Variants in ZRANB1 observed in about 807,000 individuals in gnomAD.
The protein encoded by ZRANB1 is ubiquitin thioesterase ZRANB1.
A neutral mutation model predicts 80.5 loss-of-function variants in ZRANB1; 16 were observed. That is an observed-to-expected ratio of 0.20 (90% CI 0.13 to 0.30). The LOEUF is 0.30. Ranked by LOEUF, ZRANB1 falls within the 10% of genes least tolerant of loss-of-function variation. The pLI is 1.00. For synonymous variants in ZRANB1, 291 were observed against 293.1 expected (o/e 0.99, Z 0.07); for missense variants, 576 against 862.6 (o/e 0.67, Z 4.16).
chr10:124,925,406 G>A, the ZRANB1 span, among the ~76,000 whole-genome samples: 1 of 152,042 alleles, frequency 6.6e-6, no homozygotes, highest in Non-Finnish European at 1.5e-5. Flanking sequence ...TTAGAGTGGT[G>A]TTTATTTCAG....
intron 1 of ZRANB1, among the ~76,000 whole-genome samples, chr10:124,963,828 T>G (rs1951756581): frequency 6.6e-6 from 1 of 152,216 alleles, no homozygotes; most frequent in East Asian, 1.9e-4. Context: ...TACTAATCTT[T>G]GTAGCTGAAA....
chr10:124,983,781 C>A lies in ZRANB1; in HGVS notation c.1908+93C>A. The A allele has an allele frequency of 1.2e-6, 1 of 867,274 alleles. No homozygotes were observed. The highest frequency in any genetic ancestry group is 1.8e-6 in the Non-Finnish European group (1 of 568,272). The allele number at this position is 867,274 out of a possible 1,614,324, so 53.7% of individuals were successfully genotyped here. The stretch of plus-strand genomic sequence containing the variant: ...TCAGGTGTGGTTTTATCTGCACTAT[C>A]ACTTAATTTCTGAATGTGATGGTAG... On this transcript the variant is annotated intron_variant, in intron 8 of 8. Coordinates refer to ENST00000359653, the MANE Select transcript of ZRANB1 (RefSeq NM_017580.3). The surrounding 1 kb of genome is among the most constrained non-coding windows in gnomAD (Gnocchi z 6.2).
intron 1 of ZRANB1, among the ~76,000 whole-genome samples, chr10:124,946,715 T>G (rs1951587774): frequency 6.6e-6 from 1 of 152,230 alleles, no homozygotes. Flanking sequence ...TATTCTGATG[T>G]GTAAACATAA....
the ZRANB1 span, among the ~76,000 whole-genome samples, chr10:124,919,906 C>T: frequency 8.7e-6 from 1 of 114,530 alleles, no homozygotes; most frequent in African/African-American, 3.8e-5. Context: ...CCACCGCGCC[C>T]GGCCCCCCCC....
At chr10:124,927,813 G>A in the ZRANB1 span, among the ~76,000 whole-genome samples, 6 of 152,164 alleles carry the variant, frequency 3.9e-5, no homozygotes, top group Non-Finnish European at 7.3e-5. Flanking sequence ...GAGGCGGGCA[G>A]ATCACTTGAG....
the ZRANB1 span, among the ~76,000 whole-genome samples, chr10:124,929,116 A>G: frequency 1.3e-5 from 2 of 152,166 alleles, no homozygotes; most frequent in Non-Finnish European, 2.9e-5. Context: ...GAATAGGGGT[A>G]TAGCAGGGGA....
intron 1 of ZRANB1, among the ~76,000 whole-genome samples, chr10:124,958,828 TTCACTTTC>T (rs1163813177): frequency 2.6e-5 from 4 of 152,222 alleles, no homozygotes; most frequent in African/African-American, 9.6e-5. Context: ...TTCACTTTCG[TTCACTTTC>T]TTTGGTGATT....
upstream of ZRANB1, among the ~76,000 whole-genome samples, chr10:124,938,705 C>T (rs746865022): frequency 2.7e-5 from 4 of 148,332 alleles, no homozygotes; most frequent in East Asian, 1.9e-4. Context: ...TACATCATTA[C>T]GTTTTTTTTT....
intron 6 of ZRANB1, among the ~76,000 whole-genome samples, chr10:124,982,260 C>T (rs1019096640): frequency 3.9e-5 from 6 of 152,154 alleles, no homozygotes; most frequent in African/African-American, 9.7e-5. Context: ...TAGGTACTTG[C>T]ATTGCTGTTG....
At position 124,983,436 on chromosome 10, in the gene ZRANB1, G is replaced by A. The variant is rs750108765; in HGVS notation, c.1679-23G>A. 2 of 1,601,276 alleles carry A rather than the reference G, an allele frequency of 1.2e-6. No individual in the cohort carries two copies. The highest frequency in any genetic ancestry group is 1.1e-5 in the South Asian group (1 of 89,984). ...GGCTCTTTCTTCCTGTGACTGTTGG[G>A]ATTTTCTTCCCTCTCTTTCCAGGTG... On this transcript the variant is annotated intron_variant, in intron 7 of 8. Coordinates refer to ENST00000359653, the MANE Select transcript of ZRANB1 (RefSeq NM_017580.3). This position sits in a 1 kb window ranked among gnomAD's most constrained non-coding sequence, Gnocchi z 6.2.
chr10:124,933,046 G>T, the ZRANB1 span, among the ~76,000 whole-genome samples: 1 of 151,348 alleles, frequency 6.6e-6, no homozygotes, highest in East Asian at 1.9e-4. Context: ...TCTGGTTTTT[G>T]GTATTCTTAT....
At chr10:124,917,820 C>A in the ZRANB1 span, among the ~76,000 whole-genome samples, 1 of 152,156 alleles carries the variant, frequency 6.6e-6, no homozygotes, top group African/African-American at 2.4e-5. Context: ...TGGAAAGATT[C>A]GTCTACCCCT....
At chr10:124,968,706 G>A (rs1468416477) in intron 2 of ZRANB1, among the ~76,000 whole-genome samples, 2 of 152,182 alleles carry the variant, frequency 1.3e-5, no homozygotes, top group African/African-American at 4.8e-5. Flanking sequence ...GAAGGTGGTT[G>A]TGAACTAGGG....
the ZRANB1 span, among the ~76,000 whole-genome samples, chr10:124,920,835 A>C: frequency 2.0e-5 from 3 of 152,010 alleles, no homozygotes; most frequent in Non-Finnish European, 4.4e-5. Context: ...ACTTCTGCCA[A>C]ATGGGTATAT....
intron 1 of ZRANB1, among the ~76,000 whole-genome samples, chr10:124,960,256 A>T (rs899615874): frequency 6.6e-6 from 1 of 152,276 alleles, no homozygotes; most frequent in Non-Finnish European, 1.5e-5. Flanking sequence ...AGTGTTTCTA[A>T]TTGGAGACCT....
the ZRANB1 span, among the ~76,000 whole-genome samples, chr10:124,917,629 C>G: frequency 1.3e-5 from 2 of 152,344 alleles, no homozygotes; most frequent in African/African-American, 4.8e-5. Flanking sequence ...TTCGCTCCCA[C>G]TCCGCAATAG....
At position 124,947,471 on chromosome 10, in the gene ZRANB1, A is replaced by G. The variant is rs149088018; in HGVS notation, c.814+4164A>G. On this transcript the variant is annotated intron_variant, in intron 1 of 8. Transcript: ENST00000359653. ...TGAAATTGCACTTCAATTTGTGTAC[A>G]TAGATACGTCCTTAAAAAGACACAG... 4.1e-3 allele frequency among the ~76,000 whole-genome samples: 627 copies of G among 152,324 alleles called. 5 individuals are homozygous for G. The highest frequency in any genetic ancestry group is 0.014 in the African/African-American group (602 of 41,580).
At chr10:124,925,948 C>T in the ZRANB1 span, among the ~76,000 whole-genome samples, 1 of 152,166 alleles carries the variant, frequency 6.6e-6, no homozygotes, top group Non-Finnish European at 1.5e-5. Context: ...CACAGTAGGC[C>T]ATGGGTTATA....
intron 1 of ZRANB1, among the ~76,000 whole-genome samples, chr10:124,952,905 C>T (rs1951653524): frequency 6.6e-6 from 1 of 151,990 alleles, no homozygotes; most frequent in South Asian, 2.1e-4. Context: ...CCACCACGCC[C>T]AGCCCTAAAC....
Sources: gnomAD v4.1 joint callset for allele counts (sites outside exome capture counted in the v4.1 genomes callset) on GRCh38, gnomAD v4.1.1 for gene constraint, Gnocchi (gnomAD v3.1) non-coding constraint, MANE v1.5 for transcripts, NCBI Gene and HGNC (gene_info 2026-07-23, HGNC 2026-07-21) for gene names.